Variants in GALNT13 observed in about 807,000 individuals in gnomAD.
The protein encoded by GALNT13 is polypeptide N-acetylgalactosaminyltransferase 13, also known as UDP-GalNAc:polypeptide N-acetylgalactosaminyltransferase 13.
A neutral mutation model predicts 64.2 loss-of-function variants in GALNT13; 28 were observed. The observed-to-expected ratio is 0.44, with a 90% CI of 0.32 to 0.60. The LOEUF (loss-of-function observed/expected upper bound fraction) is 0.60, where lower values mean the gene tolerates loss of function less well. GALNT13 is among the 20% of genes least tolerant of loss of function. The pLI, the probability that GALNT13 is intolerant of heterozygous loss-of-function variation, is 0.05. For missense variants in GALNT13, 577 were observed against 669.8 expected (o/e 0.86, Z 1.53); for synonymous variants, 214 against 224.6 (o/e 0.95, Z 0.42).
chr2:153,745,111 T>C, the GALNT13 span, among the ~76,000 whole-genome samples: 13 of 152,056 alleles, frequency 8.5e-5, no homozygotes, highest in Non-Finnish European at 1.3e-4. Flanking sequence ...GGAACACAGA[T>C]TTTTGTCCAG....
At chr2:154,184,957 A>G (rs1214177782) in intron 4 of GALNT13, among the ~76,000 whole-genome samples, 1 of 152,128 alleles carries the variant, frequency 6.6e-6, no homozygotes, top group African/African-American at 2.4e-5. Flanking sequence ...AGTGAGTTTT[A>G]TGCCTGCATA....
chr2:153,872,676 CG>C lies in GALNT13; in HGVS notation c.-177+378del, dbSNP rs201611046. On this transcript the variant is annotated intron_variant, in intron 1 of 12. Transcript: ENST00000392825. Reference sequence around the variant, plus strand: ...TCTGCGTTCTGGTGACGTTCCTCCGCGGGGGTGGCTCGGCCTCCAAGCCCAG... The same window carrying C: ...TCTGCGTTCTGGTGACGTTCCTCCGCGGGGTGGCTCGGCCTCCAAGCCCAG... Among the ~76,000 whole-genome samples the C allele has an allele frequency of 8.1e-5, 12 of 148,942 alleles. 1 individual carries two copies. The East Asian group carries it at 2.5e-3, about 31-fold the overall frequency.
At chr2:153,480,787 G>C in the GALNT13 span, among the ~76,000 whole-genome samples, 1 of 152,196 alleles carries the variant, frequency 6.6e-6, no homozygotes, top group African/African-American at 2.4e-5. Flanking sequence ...CAGGGATCAA[G>C]TTGTACAGAA....
At chr2:153,401,647 T>C in the GALNT13 span, among the ~76,000 whole-genome samples, 19 of 151,044 alleles carry the variant, frequency 1.3e-4, no homozygotes, top group Non-Finnish European at 2.2e-4. Flanking sequence ...TAGTTAGCTC[T>C]TCTTGTTGAA....
chr2:153,291,537 C>T, the GALNT13 span, among the ~76,000 whole-genome samples: 4 of 152,094 alleles, frequency 2.6e-5, no homozygotes, highest in East Asian at 5.8e-4. Context: ...GCTAGAGCTT[C>T]ACCTCCCCAG....
At chr2:154,374,974 GTT>G (rs1026824967) in intron 9 of GALNT13, among the ~76,000 whole-genome samples, 3 of 152,054 alleles carry the variant, frequency 2.0e-5, no homozygotes, top group African/African-American at 7.2e-5. Context: ...ATAATCTATA[GTT>G]TTTCACAGAA....
chr2:153,931,879 ATAAG>A (rs1690554376), intron 2 of GALNT13, among the ~76,000 whole-genome samples: 2 of 152,178 alleles, frequency 1.3e-5, no homozygotes, highest in Admixed American at 1.3e-4. Context: ...GCCTCACAGA[ATAAG>A]TGAGGGAGGA....
the GALNT13 span, among the ~76,000 whole-genome samples, chr2:153,253,377 A>C: frequency 8.7e-6 from 1 of 114,548 alleles, no homozygotes; most frequent in Admixed American, 8.5e-5. Flanking sequence ...GGCTGAGACA[A>C]TGGGGTTTTC....
intron 3 of GALNT13, among the ~76,000 whole-genome samples, chr2:154,081,646 A>G (rs769865746): frequency 4.6e-5 from 7 of 151,750 alleles, no homozygotes; most frequent in Non-Finnish European, 1.0e-4. Context: ...ATACGCATTT[A>G]TACCATAGCG....
At chr2:154,335,350 C>A (rs1244899747) in intron 9 of GALNT13, among the ~76,000 whole-genome samples, 1 of 151,996 alleles carries the variant, frequency 6.6e-6, no homozygotes, top group Non-Finnish European at 1.5e-5. Context: ...TCAGGACTTT[C>A]AACTCCTTAG....
the GALNT13 span, among the ~76,000 whole-genome samples, chr2:153,202,582 G>A: frequency 1.3e-5 from 2 of 152,178 alleles, no homozygotes; most frequent in East Asian, 1.9e-4. Flanking sequence ...TTCTACAAGT[G>A]TGTGTGTTGA....
chr2:154,411,542 A>C (rs1227265434), intron 11 of GALNT13, among the ~76,000 whole-genome samples: 3 of 151,834 alleles, frequency 2.0e-5, no homozygotes, highest in Non-Finnish European at 4.4e-5. Flanking sequence ...AACAATCCAG[A>C]CAACTTATTT....
chr2:153,208,610 A>G, the GALNT13 span, among the ~76,000 whole-genome samples: 1 of 152,182 alleles, frequency 6.6e-6, no homozygotes, highest in Admixed American at 6.5e-5. Context: ...TGCTATAAAG[A>G]TTTGAATGTG....
At chr2:153,998,967 C>T (rs1353506862) in intron 3 of GALNT13, among the ~76,000 whole-genome samples, 2 of 151,996 alleles carry the variant, frequency 1.3e-5, no homozygotes. Context: ...TGAAAATGGC[C>T]AAACTGCCCA....
rs180852710 is a variant in GALNT13 at position 154,233,963 on chromosome 2, A to T, written c.312-8067A>T. 3.5e-3 allele frequency among the ~76,000 whole-genome samples: 527 copies of T among 152,272 alleles called. 2 individuals carry two copies. Among genetic ancestry groups the T allele is most frequent in the Non-Finnish European group, 6.2e-3 (425 of 68,034 alleles). On this transcript the variant is annotated intron_variant, in intron 4 of 12. Transcript: ENST00000392825. ...GAGATTAAAGTGAGTAAGCTGGAAG[A>T]TCTACCAGCAGGCCAGATAAATTTA...
At chr2:153,118,544 T>A in the GALNT13 span, among the ~76,000 whole-genome samples, 1 of 152,196 alleles carries the variant, frequency 6.6e-6, no homozygotes, top group Non-Finnish European at 1.5e-5. Context: ...AGCCTTTTTT[T>A]TACTAGGCTG....
In GALNT13 at chr2:153,872,185, G is replaced by T. The variant is rs1326903661; in HGVS notation, c.-295G>T. 2 of 151,056 alleles carry T rather than the reference G, an allele frequency of 1.3e-5. No homozygotes were observed. Among genetic ancestry groups the T allele is most frequent in the African/African-American group, 2.4e-5 (1 of 41,156 alleles). 9.4% of individuals were successfully genotyped at this position (151,056 alleles called of 1,614,324 possible). ...GCCGGCGCGGGTTCCAGGTGAGCGC[G>T]GACTCGGCGAGCCCCGCACTCGGCG... On this transcript the variant is annotated 5_prime_UTR_variant, in exon 1 of 13. Coordinates refer to ENST00000392825, the MANE Select transcript of GALNT13 (RefSeq NM_052917.4).
chr2:153,831,978 C>G, the GALNT13 span, among the ~76,000 whole-genome samples: 5 of 152,104 alleles, frequency 3.3e-5, no homozygotes, highest in African/African-American at 1.2e-4. Flanking sequence ...TTGAGCAGGT[C>G]ATTGCCAGAA....
At chr2:153,718,892 C>T in the GALNT13 span, among the ~76,000 whole-genome samples, 10 of 152,056 alleles carry the variant, frequency 6.6e-5, no homozygotes, top group African/African-American at 1.7e-4. Context: ...GTATCCAAAC[C>T]GTATGTTTTT....
Sources: gnomAD v4.1 joint callset for allele counts (sites outside exome capture counted in the v4.1 genomes callset) on GRCh38, gnomAD v4.1.1 for gene constraint, MANE v1.5 for transcripts, NCBI Gene and HGNC (gene_info 2026-07-23, HGNC 2026-07-21) for gene names.